The following HIP1 variants were observed in gnomAD, a reference collection of about 807,000 sequenced individuals.
HIP1 encodes huntingtin interacting protein 1.
A neutral mutation model predicts 147.6 loss-of-function variants in HIP1; 65 were observed. That is an observed-to-expected ratio of 0.44 (90% CI 0.36 to 0.54). HIP1 has a LOEUF of 0.54. Among genes scored for constraint, HIP1 ranks in the 20% least tolerant of loss-of-function variants. The pLI is 0.00. For synonymous variants in HIP1, 479 were observed against 504.0 expected, an observed-to-expected ratio of 0.95 and a Z score of 0.67; for missense variants, 1,061 against 1,299.6, an observed-to-expected ratio of 0.82 and a Z score of 2.82.
chr7:75,584,207 A>G (rs1039994575), intron 5 of HIP1, among the ~76,000 whole-genome samples: 38 of 145,866 alleles, frequency 2.6e-4, no homozygotes, highest in Middle Eastern at 8.4e-3. Context: ...CAGGTGATCC[A>G]CCCGCCTCGG....
At chr7:75,728,749 C>T (rs10279055) in intron 1 of HIP1, among the ~76,000 whole-genome samples, 3 of 141,846 alleles carry the variant, frequency 2.1e-5, no homozygotes, top group Non-Finnish European at 4.5e-5. Context: ...GATGGGGTCT[C>T]TGCACTCCAG....
intron 4 of HIP1, among the ~76,000 whole-genome samples, chr7:75,588,379 A>C (rs1453756460): frequency 6.6e-6 from 1 of 152,204 alleles, no homozygotes; most frequent in Non-Finnish European, 1.5e-5. Flanking sequence ...ATCTCTAAAG[A>C]CTTTAGATAA....
At chr7:75,705,640 C>G (rs1382881613) in intron 1 of HIP1, among the ~76,000 whole-genome samples, 1 of 152,104 alleles carries the variant, frequency 6.6e-6, no homozygotes, top group African/African-American at 2.4e-5. Context: ...TAGACGTGAG[C>G]CACCACGCCT....
chr7:75,722,083 C>G (rs2117381508), intron 1 of HIP1, among the ~76,000 whole-genome samples: 1 of 152,278 alleles, frequency 6.6e-6, no homozygotes, highest in East Asian at 1.9e-4. Flanking sequence ...GCAGGAGGAT[C>G]ACTTGAGGCC....
intron 1 of HIP1, among the ~76,000 whole-genome samples, chr7:75,637,256 G>A (rs1294638651): frequency 6.6e-6 from 1 of 152,210 alleles, no homozygotes; most frequent in African/African-American, 2.4e-5. Context: ...TTAAATAAAT[G>A]CTGTTGATTA....
chr7:75,711,484 G>C (rs1801163961), intron 1 of HIP1, among the ~76,000 whole-genome samples: 1 of 152,160 alleles, frequency 6.6e-6, no homozygotes. Flanking sequence ...CTTACAAAAA[G>C]AGCCATGTAG....
intron 22 of HIP1, among the ~76,000 whole-genome samples, chr7:75,549,336 ATTTTTC>A (rs1794691891): frequency 7.0e-6 from 1 of 142,086 alleles, no homozygotes; most frequent in East Asian, 2.1e-4. Context: ...TTTTTTTACA[ATTTTTC>A]TTTTTCTTTT....
chr7:75,721,137 G>A (rs1345115526), intron 1 of HIP1, among the ~76,000 whole-genome samples: 5 of 152,108 alleles, frequency 3.3e-5, no homozygotes, highest in African/African-American at 1.2e-4. Context: ...AGCACTTTGG[G>A]AGGCCAAAGC....
intron 1 of HIP1, among the ~76,000 whole-genome samples, chr7:75,601,616 C>CAA (rs587710789): frequency 2.1e-4 from 30 of 142,072 alleles, no homozygotes; most frequent in East Asian, 4.3e-4. Context: ...ACAACAACAA[C>CAA]AAAAAAAAAA....
chr7:75,707,642 G>A (rs77342595), intron 1 of HIP1, among the ~76,000 whole-genome samples: 2 of 150,948 alleles, frequency 1.3e-5, no homozygotes, highest in Non-Finnish European at 2.9e-5. Flanking sequence ...GCATCGCCAA[G>A]TCAATCCTAA....
At position 75,537,534 on chromosome 7, in the gene HIP1, C is replaced by T. The variant is rs1219041799; in HGVS notation, c.*638G>A. 1 of 231,834 alleles carries T rather than the reference C, an allele frequency of 4.3e-6. No homozygotes were observed. The highest frequency in any genetic ancestry group is 2.2e-5 in the African/African-American group (1 of 45,126). 14.4% of individuals were successfully genotyped at this position (231,834 alleles called of 1,614,324 possible). A position where few individuals can be genotyped will look rare whatever the true frequency, so the allele number is the denominator to read the frequency against. ...GTGAAACTTAAAAAAAAAAACAAAA[C>T]CAAAAAACCCAACCAACCACCATAA... On this transcript the variant is annotated 3_prime_UTR_variant, in exon 31 of 31. Coordinates refer to ENST00000336926, the MANE Select transcript of HIP1 (RefSeq NM_005338.7).
In HIP1 at chr7:75,534,353, A is replaced by C; in HGVS notation, c.*3819T>G. On this transcript the variant is annotated 3_prime_UTR_variant, in exon 31 of 31. Coordinates refer to ENST00000336926, the MANE Select transcript of HIP1 (RefSeq NM_005338.7). ...GACGGCTGCATCAGCAGACAATCTA[A>C]ACTAGTCTCATTTAAACTCCTTGCT... The C allele has an allele frequency of 4.7e-6, 1 of 214,446 alleles. No individual in the cohort carries two copies. Among genetic ancestry groups the C allele is most frequent in the Non-Finnish European group, 9.4e-6 (1 of 106,222 alleles). 13.3% of individuals were successfully genotyped at this position (214,446 alleles called of 1,614,324 possible).
intron 1 of HIP1, among the ~76,000 whole-genome samples, chr7:75,605,123 A>T (rs1797174442): frequency 6.6e-6 from 1 of 152,182 alleles, no homozygotes; most frequent in Non-Finnish European, 1.5e-5. Context: ...TATATGCCTC[A>T]TAGGAACTCT....
intron 1 of HIP1, among the ~76,000 whole-genome samples, chr7:75,726,284 A>ATTTTTTTTTTT (rs60658791): frequency 6.8e-6 from 1 of 147,434 alleles, no homozygotes; most frequent in Non-Finnish European, 1.5e-5. Flanking sequence ...GTGCCTGGGC[A>ATTTTTTTTTTT]TTTTTTTTTT....
At chr7:75,588,783 C>A (rs1471812638) in intron 4 of HIP1, among the ~76,000 whole-genome samples, 5 of 151,416 alleles carry the variant, frequency 3.3e-5, no homozygotes, top group Non-Finnish European at 7.4e-5. Flanking sequence ...CAAACAGCAA[C>A]AACAACCACC....
chr7:75,537,365 T>C lies in HIP1; in HGVS notation c.*807A>G, dbSNP rs782794347. ...CTCCGCCTGACCCTGGAGCATGGAC[T>C]GGGTGGGCCAGCACTTGGTCAGTGT... is the stretch of plus-strand genomic sequence containing the variant. On this transcript the variant is annotated 3_prime_UTR_variant, in exon 31 of 31. Transcript: ENST00000336926. 20 of 232,866 alleles carry C rather than the reference T, an allele frequency of 8.6e-5. No individual in the cohort carries two copies. Among genetic ancestry groups the C allele is most frequent in the Non-Finnish European group, 1.6e-4 (19 of 117,768 alleles). 14.4% of individuals were successfully genotyped at this position (232,866 alleles called of 1,614,324 possible). A position where few individuals can be genotyped will look rare whatever the true frequency, so the allele number is the denominator to read the frequency against.
At chr7:75,546,893 T>C in intron 25 of HIP1, 46 bp downstream of exon 25, 1 of 1,361,660 alleles carries the variant, frequency 7.3e-7, no homozygotes, top group Non-Finnish European at 1.0e-6. Flanking sequence ...CGGGAGTCTG[T>C]CACCAATGCC....
At chr7:75,661,866 G>A (rs1404034633) in intron 1 of HIP1, among the ~76,000 whole-genome samples, 1 of 152,064 alleles carries the variant, frequency 6.6e-6, no homozygotes, top group Non-Finnish European at 1.5e-5. Context: ...GTGGTGAAGG[G>A]CAGGGAGTCA....
At chr7:75,587,328 C>T (rs1013573661) in intron 4 of HIP1, among the ~76,000 whole-genome samples, 41 of 152,102 alleles carry the variant, frequency 2.7e-4, no homozygotes, top group African/African-American at 9.9e-4. Flanking sequence ...GTGATCTGCC[C>T]GCCTCTGCCT....
Sources: gnomAD v4.1 joint callset for allele counts (sites outside exome capture counted in the v4.1 genomes callset) on GRCh38, gnomAD v4.1.1 for gene constraint, MANE v1.5 for transcripts, NCBI Gene and HGNC (gene_info 2026-07-23, HGNC 2026-07-21) for gene names.